The following TBX15 variants were observed in gnomAD, a reference collection of about 807,000 sequenced individuals.
TBX15 encodes T-box transcription factor 15.
TBX15 carries 18 observed loss-of-function variants against 53.9 expected under a neutral mutation model. The observed-to-expected ratio is 0.33, with a 90% CI of 0.23 to 0.49. TBX15 has a LOEUF of 0.49. TBX15 is among the 20% of genes least tolerant of loss of function. The pLI is 0.98. For synonymous variants in TBX15, 295 were observed against 278.0 expected (o/e 1.06, Z -0.61); for missense variants, 692 against 749.5 (o/e 0.92, Z 0.90).
rs1401075731 is a variant in TBX15 at position 118,931,346 on chromosome 1, C to T, written c.419+273G>A. On this transcript the variant is annotated intron_variant, in intron 2 of 7. Transcript: ENST00000369429. Reference sequence around the variant, plus strand: ...AAATATATATTTTGGCTGTTAAGATCCCATGGACTTCCAATATTAGCTGAA... The same window carrying T: ...AAATATATATTTTGGCTGTTAAGATTCCATGGACTTCCAATATTAGCTGAA... Among the ~76,000 whole-genome samples the T allele has an allele frequency of 5.9e-5, 9 of 152,282 alleles. No homozygotes were observed. The East Asian group carries it at 1.5e-3, about 26-fold the overall frequency.
intron 6 of TBX15, chr1:118,901,449 A>G: frequency 2.2e-6 from 1 of 455,788 alleles, no homozygotes; most frequent in Non-Finnish European, 4.4e-6. Flanking sequence ...TGGAACACAT[A>G]AACTTTGGGG....
chr1:118,948,113 C>T (rs1415703027), intron 1 of TBX15, among the ~76,000 whole-genome samples: 1 of 152,092 alleles, frequency 6.6e-6, no homozygotes, highest in Admixed American at 6.5e-5. Context: ...AGTGGTGACT[C>T]AGTGAAGAGT....
chr1:118,892,249 T>C (rs1439239396), intron 7 of TBX15, among the ~76,000 whole-genome samples: 1 of 152,192 alleles, frequency 6.6e-6, no homozygotes, highest in South Asian at 2.1e-4. Flanking sequence ...AAGAACAGGC[T>C]AAACAATGAA....
chr1:118,930,606 G>T (rs976996456), intron 2 of TBX15, among the ~76,000 whole-genome samples: 2 of 152,218 alleles, frequency 1.3e-5, no homozygotes, highest in Admixed American at 1.3e-4. Context: ...AAAAGAGACA[G>T]GGTTTTGCCA....
At chr1:118,973,448 CAA>C (rs796419778) in intron 1 of TBX15, among the ~76,000 whole-genome samples, 1 of 131,248 alleles carries the variant, frequency 7.6e-6, no homozygotes, top group Admixed American at 7.7e-5. Flanking sequence ...AGATTATGGG[CAA>C]AAAAAAAAAG....
At chr1:118,909,245 C>T (rs961678699) in intron 6 of TBX15, among the ~76,000 whole-genome samples, 5 of 152,302 alleles carry the variant, frequency 3.3e-5, no homozygotes, top group African/African-American at 1.2e-4. Context: ...CCATGGAGAC[C>T]AGAATACCAT....
chr1:118,985,379 C>T (rs929247193), intron 1 of TBX15, among the ~76,000 whole-genome samples: 1 of 152,218 alleles, frequency 6.6e-6, no homozygotes, highest in African/African-American at 2.4e-5. Context: ...CCTAAAAACA[C>T]CCCCAGCCCT....
At chr1:118,950,553 G>C (rs1017430828) in intron 1 of TBX15, among the ~76,000 whole-genome samples, 1 of 152,198 alleles carries the variant, frequency 6.6e-6, no homozygotes, top group African/African-American at 2.4e-5. Context: ...CACCTTCCCT[G>C]AGAGCAAACT....
At chr1:118,944,422 A>G (rs1259686306) in intron 1 of TBX15, among the ~76,000 whole-genome samples, 1 of 152,084 alleles carries the variant, frequency 6.6e-6, no homozygotes. Flanking sequence ...ACTTAATTCC[A>G]CTCATTCCAT....
At chr1:118,958,603 G>C (rs531895573) in intron 1 of TBX15, among the ~76,000 whole-genome samples, 1 of 152,114 alleles carries the variant, frequency 6.6e-6, no homozygotes, top group South Asian at 2.1e-4. Context: ...GCATGGTCCT[G>C]GTCCTACCCT....
chr1:118,969,581 T>C (rs528523665), intron 1 of TBX15, among the ~76,000 whole-genome samples: 16 of 152,312 alleles, frequency 1.1e-4, no homozygotes. Flanking sequence ...GGTTGAGTCC[T>C]GGGTCAGACT....
intron 6 of TBX15, among the ~76,000 whole-genome samples, chr1:118,905,476 A>T (rs1654785215): frequency 6.6e-6 from 1 of 152,210 alleles, no homozygotes; most frequent in South Asian, 2.1e-4. Flanking sequence ...AGTACTGGAT[A>T]AAAGACTACA....
intron 5 of TBX15, among the ~76,000 whole-genome samples, chr1:118,920,839 G>C (rs376014872): frequency 6.6e-6 from 1 of 152,290 alleles, no homozygotes; most frequent in South Asian, 2.1e-4. Context: ...TGACAGACTG[G>C]ATGTTGTGAC....
Position 118,885,741 on chromosome 1 carries a change from A to G in TBX15, c.1025-225T>C, listed in dbSNP as rs148731351. On this transcript the variant is annotated intron_variant, in intron 7 of 7. Transcript: ENST00000369429. ...CACACACACACACACACACTCCAGA[A>G]GGATCAAAAACAACACTAAACTCTT... Among the ~76,000 whole-genome samples, 518 of 152,100 alleles carry G rather than the reference A, an allele frequency of 3.4e-3. 1 individual carries two copies. Among genetic ancestry groups the G allele is most frequent in the African/African-American group, 0.012 (495 of 41,404 alleles).
At chr1:118,908,678 C>T (rs1167347107) in intron 6 of TBX15, among the ~76,000 whole-genome samples, 1 of 152,088 alleles carries the variant, frequency 6.6e-6, no homozygotes, top group Admixed American at 6.6e-5. Context: ...TCAGTGATTT[C>T]ACTCCAGAAT....
intron 1 of TBX15, among the ~76,000 whole-genome samples, chr1:118,947,668 T>C (rs1476583806): frequency 6.6e-6 from 1 of 152,224 alleles, no homozygotes; most frequent in East Asian, 1.9e-4. Context: ...GCATTACATT[T>C]AATCATTCAC....
chr1:118,946,649 A>T (rs1372204482), intron 1 of TBX15, among the ~76,000 whole-genome samples: 1 of 152,108 alleles, frequency 6.6e-6, no homozygotes, highest in Non-Finnish European at 1.5e-5. Context: ...TATGAAGAGG[A>T]AGGGATTGTG....
rs1229778000 is a variant in TBX15, at chr1:118,893,332, AGAAG to A, written c.1024+5692_1024+5695del. 3.6e-3 allele frequency among the ~76,000 whole-genome samples: 280 copies of A among 77,816 alleles called. 22 individuals are homozygous for A. The highest frequency in any genetic ancestry group is 0.021 in the African/African-American group (227 of 10,832). 51.1% of individuals were successfully genotyped at this position (77,816 alleles called of 152,430 possible). A position where few individuals can be genotyped will look rare whatever the true frequency, so the allele number is the denominator to read the frequency against. On this transcript the variant is annotated intron_variant, in intron 7 of 7. Coordinates refer to ENST00000369429, the MANE Select transcript of TBX15 (RefSeq NM_001330677.2). ...AAGGAAGGAAAGAAAGAAAGAAGAA[AGAAG>A]GAAGGAAGGAAGGAAGGAAGGAAAG...
chr1:118,904,894 A>G (rs192085338), intron 6 of TBX15, among the ~76,000 whole-genome samples: 10 of 152,308 alleles, frequency 6.6e-5, no homozygotes, highest in African/African-American at 2.2e-4. Flanking sequence ...TATTAGTACA[A>G]CCTTTGCCAA....
Sources: allele counts gnomAD v4.1 joint callset (sites outside exome capture counted in the v4.1 genomes callset), GRCh38; gene constraint gnomAD v4.1.1; transcripts MANE v1.5; gene names NCBI Gene and HGNC (gene_info 2026-07-23, HGNC 2026-07-21).